The following TSNARE1 variants were observed in gnomAD, a reference collection of about 807,000 sequenced individuals.
TSNARE1 encodes the protein t-SNARE domain containing 1.
Under a neutral mutation model 62.0 loss-of-function variants are expected in TSNARE1, and 49 were observed. The observed-to-expected ratio is 0.79, with a 90% CI of 0.63 to 1.00. The LOEUF (loss-of-function observed/expected upper bound fraction) is 1.00, where lower values mean the gene tolerates loss of function less well. TSNARE1 is among the 50% of genes least tolerant of loss of function. The probability of loss-of-function intolerance (pLI) is 0.00; values close to 1 mark genes in which losing one functional copy is unlikely to be tolerated. For missense variants in TSNARE1, 755 were observed against 700.1 expected (o/e 1.08, Z -0.88); for synonymous variants, 328 against 294.4 (o/e 1.11, Z -1.17).
At chr8:142,394,073 C>G (rs1199112986) in intron 1 of TSNARE1, among the ~76,000 whole-genome samples, 1 of 152,226 alleles carries the variant, frequency 6.6e-6, no homozygotes, top group Non-Finnish European at 1.5e-5. Flanking sequence ...GCTGGCTGCC[C>G]GTCTTCACTC....
chr8:142,258,152 T>C (rs1268920312), intron 12 of TSNARE1, among the ~76,000 whole-genome samples: 3 of 152,156 alleles, frequency 2.0e-5, no homozygotes, highest in African/African-American at 7.2e-5. Context: ...TGGATACACA[T>C]GTACACACGC....
chr8:142,236,821 T>C (rs1030138479), intron 12 of TSNARE1, among the ~76,000 whole-genome samples: 1 of 152,154 alleles, frequency 6.6e-6, no homozygotes, highest in African/African-American at 2.4e-5. Context: ...GGGGCTGTCC[T>C]AGGTGCTGGG....
chr8:142,283,829 G>T (rs1586535531), intron 11 of TSNARE1, among the ~76,000 whole-genome samples: 1 of 131,626 alleles, frequency 7.6e-6, no homozygotes, highest in Admixed American at 7.3e-5. Flanking sequence ...GCCAGTGTCT[G>T]TCAATGAGCA....
intron 12 of TSNARE1, among the ~76,000 whole-genome samples, chr8:142,256,073 T>TCAC (rs753492642): frequency 0.01 from 551 of 54,632 alleles, 25 homozygotes; most frequent in African/African-American, 0.045. Context: ...ACCATCACCA[T>TCAC]CACCACCACC....
At chr8:142,295,247 G>A (rs1375056451) in intron 10 of TSNARE1, among the ~76,000 whole-genome samples, 1 of 152,236 alleles carries the variant, frequency 6.6e-6, no homozygotes, top group Non-Finnish European at 1.5e-5. Context: ...GCAGCCCCAG[G>A]TGAAAAGTTC....
Position 142,356,928 on chromosome 8 carries a change from C to T in TSNARE1, c.-39-2165G>A, listed in dbSNP as rs529183899. On this transcript the variant is annotated intron_variant, in intron 1 of 13. Transcript: ENST00000524325. Reference sequence around the variant, plus strand: ...AAAGGCTGTGTTAACAGCCCCAGGACAGGAAGGGGGGACGCCAAGAAAGGG... The same window carrying T: ...AAAGGCTGTGTTAACAGCCCCAGGATAGGAAGGGGGGACGCCAAGAAAGGG... 3.9e-5 allele frequency among the ~76,000 whole-genome samples: 6 copies of T among 151,984 alleles called. No homozygotes were observed. In the East Asian group the frequency reaches 1.2e-3, roughly 30 times the overall value.
chr8:142,394,409 C>A (rs1023101689), intron 1 of TSNARE1, among the ~76,000 whole-genome samples: 5 of 152,132 alleles, frequency 3.3e-5, no homozygotes, highest in African/African-American at 1.2e-4. Flanking sequence ...CAAACACAAC[C>A]GTACTCAGAA....
intron 12 of TSNARE1, chr8:142,271,550 G>C: frequency 7.2e-7 from 1 of 1,387,186 alleles, no homozygotes; most frequent in Non-Finnish European, 9.3e-7. Flanking sequence ...GGTGGAGGCT[G>C]GGGAAGCAGG....
chr8:142,225,087 C>A (rs1313558545), intron 13 of TSNARE1, among the ~76,000 whole-genome samples: 1 of 152,092 alleles, frequency 6.6e-6, no homozygotes, highest in African/African-American at 2.4e-5. Context: ...CCTGCTTGGC[C>A]CCAAGGCCCA....
intron 12 of TSNARE1, among the ~76,000 whole-genome samples, chr8:142,239,314 C>G (rs1357720483): frequency 6.6e-6 from 1 of 152,176 alleles, no homozygotes; most frequent in African/African-American, 2.4e-5. Context: ...CCACAAGGAG[C>G]CTTAAAGCCC....
intron 9 of TSNARE1, among the ~76,000 whole-genome samples, chr8:142,311,904 C>A (rs1471719136): frequency 6.6e-6 from 1 of 152,140 alleles, no homozygotes; most frequent in African/African-American, 2.4e-5. Flanking sequence ...TTGTTCAATA[C>A]CAGAACTCCC....
chr8:142,334,486 TG>T (rs1011960316), intron 4 of TSNARE1, among the ~76,000 whole-genome samples: 5 of 104,682 alleles, frequency 4.8e-5, no homozygotes, highest in African/African-American at 1.4e-4. Context: ...ACACACAGGG[TG>T]GGGGGGCAGC....
At chr8:142,336,749 A>C (rs995958788) in intron 4 of TSNARE1, among the ~76,000 whole-genome samples, 1 of 152,238 alleles carries the variant, frequency 6.6e-6, no homozygotes, top group African/African-American at 2.4e-5. Context: ...AACATTCACT[A>C]AGACAGACTC....
At chr8:142,252,355 GC>G (rs1039109132) in intron 12 of TSNARE1, among the ~76,000 whole-genome samples, 9 of 152,286 alleles carry the variant, frequency 5.9e-5, no homozygotes, top group African/African-American at 2.2e-4. Flanking sequence ...TCCTGGCTGT[GC>G]CCCCCACTGG....
At chr8:142,224,870 C>T (rs1816701458) in intron 13 of TSNARE1, among the ~76,000 whole-genome samples, 1 of 152,162 alleles carries the variant, frequency 6.6e-6, no homozygotes, top group Non-Finnish European at 1.5e-5. Context: ...GCTGATGAGG[C>T]TGAGCCCGCG....
At chr8:142,328,988 C>G (rs913419953) in intron 6 of TSNARE1, among the ~76,000 whole-genome samples, 2 of 152,220 alleles carry the variant, frequency 1.3e-5, no homozygotes, top group Non-Finnish European at 2.9e-5. Flanking sequence ...CACTGCAGGG[C>G]TGGAAAGCCT....
intron 4 of TSNARE1, among the ~76,000 whole-genome samples, chr8:142,335,469 G>A (rs779591567): frequency 2.0e-4 from 31 of 152,108 alleles, no homozygotes; most frequent in Non-Finnish European, 2.9e-4. Context: ...ACTTGAAGGC[G>A]GGCTGCGGAA....
At chr8:142,374,072 A>T (rs1165471209) in intron 1 of TSNARE1, among the ~76,000 whole-genome samples, 1 of 152,076 alleles carries the variant, frequency 6.6e-6, no homozygotes, top group East Asian at 1.9e-4. Flanking sequence ...GAGAGGCTGA[A>T]GCAGCCAGAT....
intron 12 of TSNARE1, among the ~76,000 whole-genome samples, chr8:142,233,474 G>A (rs1817226915): frequency 6.6e-6 from 1 of 152,196 alleles, no homozygotes; most frequent in African/African-American, 2.4e-5. Context: ...AGGAGGCTGG[G>A]GGATGCCAGG....
Sources: gnomAD v4.1 joint callset for allele counts (sites outside exome capture counted in the v4.1 genomes callset) on GRCh38, gnomAD v4.1.1 for gene constraint, MANE v1.5 for transcripts, NCBI Gene and HGNC (gene_info 2026-07-23, HGNC 2026-07-21) for gene names.